HDAC5: variants seen among roughly 807,000 people sequenced by gnomAD.
HDAC5 encodes the protein antigen NY-CO-9.
Under a neutral mutation model 133.3 loss-of-function variants are expected in HDAC5, and 25 were observed. The observed-to-expected ratio is 0.19, with a 90% CI of 0.14 to 0.26. The LOEUF (loss-of-function observed/expected upper bound fraction) is 0.26. Ranked by LOEUF, HDAC5 falls within the 10% of genes least tolerant of loss-of-function variation. The pLI is 1.00. For synonymous variants in HDAC5, 589 were observed against 610.8 expected (o/e 0.96, Z 0.53); for missense variants, 1,041 against 1,460.5 (o/e 0.71, Z 4.68).
intron 11 of HDAC5, among the ~76,000 whole-genome samples, 160 bp downstream of exon 11, chr17:44,091,110 A>G (rs1183849635): frequency 6.6e-6 from 1 of 152,256 alleles, no homozygotes; most frequent in Non-Finnish European, 1.5e-5. Flanking sequence ...TGTCAAGAAC[A>G]GTGCCTGGCA....
chr17:44,078,873 G>A lies in HDAC5; in HGVS notation c.3085C>T (p.Pro1029Ser). ...VSALLSVELQ[P>S]LDEAVLQQKP... ...TGCTGCAAGACTGCCTCATCCAAGG[G>A]CTGCAGCTGGCAGGGGAAAGAAGAG... Residue 1029 changes from proline (P) to serine (S), a missense_variant, in exon 25 of 27, where the codon CCC (proline) becomes TCC (serine). Coordinates refer to ENST00000682912, the MANE Select transcript of HDAC5 (RefSeq NM_005474.5). 2 of 1,614,150 alleles carry A rather than the reference G, an allele frequency of 1.2e-6. No individual in the cohort carries two copies. Among genetic ancestry groups the A allele is most frequent in the Non-Finnish European group, 1.7e-6 (2 of 1,179,998 alleles).
At position 44,096,464 on chromosome 17, in the gene HDAC5, G is replaced by T. The variant is rs370646071; in HGVS notation, c.95-2630C>A. Among the ~76,000 whole-genome samples, 39 of 151,044 alleles carry T rather than the reference G, an allele frequency of 2.6e-4. No homozygotes were observed. The East Asian group carries it at 3.1e-3, about 12-fold the overall frequency. On this transcript the variant is annotated intron_variant, in intron 3 of 26. Coordinates refer to ENST00000682912, the MANE Select transcript of HDAC5 (RefSeq NM_005474.5). ...AAAAAAAAAACAAAAAACAAGTTTT[G>T]GTTTTTTTTTGTTTTTTTTTTTTTT...
chr17:44,082,510 G>T, intron 20 of HDAC5, 75 bp downstream of exon 20: 2 of 1,181,060 alleles, frequency 1.7e-6, no homozygotes, highest in Non-Finnish European at 2.5e-6. Flanking sequence ...GGGGCTGGGG[G>T]AGGAGACTTC....
At chr17:44,095,799 A>T (rs2051234793) in intron 3 of HDAC5, among the ~76,000 whole-genome samples, 1 of 152,028 alleles carries the variant, frequency 6.6e-6, no homozygotes, top group Non-Finnish European at 1.5e-5. Flanking sequence ...GAAGAAGGGT[A>T]ACAGCAGGGG....
intron 15 of HDAC5, 116 bp downstream of exon 15, chr17:44,084,906 C>T: frequency 2.1e-6 from 3 of 1,396,210 alleles, no homozygotes; most frequent in Non-Finnish European, 2.0e-6. Context: ...GGAGAACTGG[C>T]CCCGAAGTCT....
chr17:44,102,667 C>CTT lies in HDAC5; in HGVS notation c.94+8060_94+8061dup, dbSNP rs33983305. 4.6e-5 allele frequency among the ~76,000 whole-genome samples: 6 copies of CTT among 130,086 alleles called. No individual in the cohort carries two copies. The East Asian group carries it at 9.1e-4, about 20-fold the overall frequency. 85.3% of individuals were successfully genotyped at this position (130,086 alleles called of 152,430 possible). On this transcript the variant is annotated intron_variant, in intron 3 of 26. Coordinates refer to ENST00000682912, the MANE Select transcript of HDAC5 (RefSeq NM_005474.5). Reference sequence around the variant, plus strand: ...AGCCATATGCCCGGCCAGGTTCTCTCTTTTTTTTTTTTTTTTGGAGACAGT... The same window carrying CTT: ...AGCCATATGCCCGGCCAGGTTCTCTCTTTTTTTTTTTTTTTTTTGGAGACAGT...
At chr17:44,121,399 A>T (rs1356982285) in intron 1 of HDAC5, among the ~76,000 whole-genome samples, 2 of 151,702 alleles carry the variant, frequency 1.3e-5, no homozygotes, top group Non-Finnish European at 2.9e-5. Context: ...GTGCTCCAAA[A>T]ATGCCAAGAA....
Position 44,086,743 on chromosome 17 carries a change from G to C in HDAC5, c.1885-6C>G, listed in dbSNP as rs574104280. On this transcript the variant is annotated splice_region_variant and splice_polypyrimidine_tract_variant and intron_variant, in intron 13 of 26. Transcript: ENST00000682912. ...GGCTGGGCATCTGAGAACAGCTGGA[G>C]GGGAGAATGGGAGGGGGCCTGGGTC... is the stretch of plus-strand genomic sequence containing the variant. 8 of 1,291,698 alleles carry C rather than the reference G, an allele frequency of 6.2e-6. No homozygotes were observed. The highest frequency in any genetic ancestry group is 7.9e-6 in the Non-Finnish European group (8 of 1,013,410). The allele number at this position is 1,291,698 out of a possible 1,614,324, so 80.0% of individuals were successfully genotyped here. A position where few individuals can be genotyped will look rare whatever the true frequency, so the allele number is the denominator to read the frequency against.
intron 1 of HDAC5, among the ~76,000 whole-genome samples, chr17:44,122,699 C>T (rs1016480054): frequency 6.6e-5 from 10 of 152,128 alleles, no homozygotes; most frequent in Admixed American, 3.9e-4. Flanking sequence ...TTCTCATCTT[C>T]CCCAGGGCCC....
chr17:44,079,110 G>T (rs745332802), intron 24 of HDAC5, 34 bp downstream of exon 24: 14 of 1,599,244 alleles, frequency 8.8e-6, no homozygotes, highest in African/African-American at 1.3e-5. Flanking sequence ...CAGACCTCTG[G>T]CCTGCCACCT....
rs2052746429 is a variant in HDAC5 at position 44,117,906 on chromosome 17, G to C, written c.-189-202C>G. 6.6e-6 allele frequency among the ~76,000 whole-genome samples: 1 copy of C among 152,218 alleles called. No homozygotes were observed. Among genetic ancestry groups the C allele is most frequent in the Non-Finnish European group, 1.5e-5 (1 of 68,030 alleles). On this transcript the variant is annotated intron_variant, in intron 1 of 26. Coordinates refer to ENST00000682912, the MANE Select transcript of HDAC5 (RefSeq NM_005474.5). This position sits in a 1 kb window ranked among gnomAD's most constrained non-coding sequence, Gnocchi z 4.2. ...CTGATGAGGCTCCCAGAGCCCAAGG[G>C]ATAGGAAATGGCTATGGTGGCCAAA...
rs1597933156 is a variant in HDAC5, at chr17:44,082,594, G to A, written c.2598C>T (p.Ile866=). The A allele has an allele frequency of 3.7e-6, 6 of 1,613,102 alleles. No individual in the cohort carries two copies. Among genetic ancestry groups the A allele is most frequent in the Non-Finnish European group, 5.1e-6 (6 of 1,179,072 alleles). Residue 866 remains isoleucine (I), a synonymous_variant, in exon 20 of 27, where the codon ATC becomes ATT. Transcript: ENST00000682912. ...QQKLNVGKVL[I]VDWDIHHGNG... is the part of the protein sequence containing the mutation. Reference sequence around the variant, plus strand: ...CCAGCTCACTGCCTACCCAGTCCACGATGAGGACCTTGCCCACGTTCAACT... The same window carrying A: ...CCAGCTCACTGCCTACCCAGTCCACAATGAGGACCTTGCCCACGTTCAACT...
At position 44,080,685 on chromosome 17, in the gene HDAC5, C is replaced by T. The variant is rs181663810; in HGVS notation, c.2727+78G>A. Reference sequence around the variant, plus strand: ...AGGTACCAACACCACCATGGGCCTCCGTGGCTCCCCGCCAGGTCCCATTGT... The same window carrying T: ...AGGTACCAACACCACCATGGGCCTCTGTGGCTCCCCGCCAGGTCCCATTGT... On this transcript the variant is annotated intron_variant, in intron 21 of 26. Transcript: ENST00000682912. 4.3e-3 allele frequency: 6,795 copies of T among 1,597,088 alleles called. 19 individuals carry two copies. The highest frequency in any genetic ancestry group is 4.9e-3 in the Non-Finnish European group (5,699 of 1,166,986).
intron 3 of HDAC5, among the ~76,000 whole-genome samples, chr17:44,104,927 T>G (rs1420019177): frequency 6.6e-6 from 1 of 152,006 alleles, no homozygotes; most frequent in Non-Finnish European, 1.5e-5. Flanking sequence ...CAGAGACCCT[T>G]AGAGTGTCAG....
intron 11 of HDAC5, among the ~76,000 whole-genome samples, chr17:44,090,717 T>C (rs367743006): frequency 5.3e-4 from 81 of 151,744 alleles, no homozygotes; most frequent in African/African-American, 1.9e-3. Flanking sequence ...AGACGGAGTC[T>C]CACGCTCTGT....
At chr17:44,084,931 G>C in intron 15 of HDAC5, 91 bp downstream of exon 15, 1 of 1,480,030 alleles carries the variant, frequency 6.8e-7, no homozygotes, top group Non-Finnish European at 9.2e-7. Context: ...CTGAAGAGAG[G>C]ATGAGGAAGA....
At chr17:44,082,380 T>G in intron 20 of HDAC5, 2 of 584,544 alleles carry the variant, frequency 3.4e-6, no homozygotes, top group Non-Finnish European at 3.1e-6. Context: ...ATGTCTTTCA[T>G]AGTTGAGGAG....
chr17:44,081,298 A>G (rs569353442), intron 20 of HDAC5, among the ~76,000 whole-genome samples: 35 of 151,830 alleles, frequency 2.3e-4, no homozygotes, highest in Admixed American at 9.2e-4. Context: ...TGCCCAGGCT[A>G]GAGTGCAGTG....
At position 44,078,248 on chromosome 17, in the gene HDAC5, G is replaced by A; in HGVS notation, c.*128C>T. 1 of 979,328 alleles carries A rather than the reference G, an allele frequency of 1.0e-6. No homozygotes were observed. Among genetic ancestry groups the A allele is most frequent in the Non-Finnish European group, 1.5e-6 (1 of 688,442 alleles). 60.7% of individuals were successfully genotyped at this position (979,328 alleles called of 1,614,324 possible). A position where few individuals can be genotyped will look rare whatever the true frequency, so the allele number is the denominator to read the frequency against. On this transcript the variant is annotated 3_prime_UTR_variant, in exon 27 of 27. Transcript: ENST00000682912. Reference sequence around the variant, plus strand: ...AGGGCTGGGGGCCTGAGGCAGCGTAGAGGAGCAGGAGGGGCAAGGCTGAGA... The same window carrying A: ...AGGGCTGGGGGCCTGAGGCAGCGTAAAGGAGCAGGAGGGGCAAGGCTGAGA...
Sources: allele counts gnomAD v4.1 joint callset (sites outside exome capture counted in the v4.1 genomes callset), GRCh38; gene constraint gnomAD v4.1.1; non-coding constraint Gnocchi (gnomAD v3.1); transcripts MANE v1.5; gene names NCBI Gene and HGNC (gene_info 2026-07-23, HGNC 2026-07-21).